DOK6: variants seen among roughly 807,000 people sequenced by gnomAD.
DOK6 encodes downstream of tyrosine kinase 6.
A neutral mutation model predicts 44.0 loss-of-function variants in DOK6; 22 were observed. The observed-to-expected ratio is 0.50, with a 90% CI of 0.36 to 0.71. DOK6 has a LOEUF of 0.71. DOK6 is among the 30% of genes least tolerant of loss of function. The pLI, the probability that DOK6 is intolerant of heterozygous loss-of-function variation, is 0.00. For missense variants in DOK6, 340 were observed against 416.4 expected (o/e 0.82, Z 1.60); for synonymous variants, 166 against 145.5 (o/e 1.14, Z -1.01).
chr18:69,810,405 A>G (rs1981187992), intron 7 of DOK6, among the ~76,000 whole-genome samples: 1 of 152,010 alleles, frequency 6.6e-6, no homozygotes. Flanking sequence ...GGCCTATGCA[A>G]TGATTTTTTT....
At chr18:69,656,182 A>G (rs1009864149) in intron 3 of DOK6, among the ~76,000 whole-genome samples, 5 of 152,198 alleles carry the variant, frequency 3.3e-5, no homozygotes, top group African/African-American at 1.2e-4. Flanking sequence ...AAGACAAAAT[A>G]CTCTAAAAAA....
rs1419878690 is a variant in DOK6, at chr18:69,594,557, T to C, written c.175-4827T>C. On this transcript the variant is annotated intron_variant, in intron 2 of 7. Transcript: ENST00000382713. ...CTACTTTCACCCCTCCTATTCTACA[T>C]AGCACTAGAAGTCCTAGCCAGAGCA... 1.1e-4 allele frequency among the ~76,000 whole-genome samples: 16 copies of C among 140,748 alleles called. No homozygotes were observed. In the East Asian group the frequency reaches 3.1e-3, roughly 28 times the overall value. 92.3% of individuals were successfully genotyped at this position (140,748 alleles called of 152,430 possible).
In DOK6 at chr18:69,604,146, C is replaced by G. The variant is rs182665948; in HGVS notation, c.289+4648C>G. Reference sequence around the variant, plus strand: ...TTTCTATATCTGACTTTGAACTTTCCCATTATCAATTACCAGTGGGGAAAA... The same window carrying G: ...TTTCTATATCTGACTTTGAACTTTCGCATTATCAATTACCAGTGGGGAAAA... On this transcript the variant is annotated intron_variant, in intron 3 of 7. Transcript: ENST00000382713. Among the ~76,000 whole-genome samples the G allele has an allele frequency of 2.3e-4, 35 of 152,108 alleles. No homozygotes were observed. In the East Asian group the frequency reaches 3.7e-3, roughly 16 times the overall value.
At chr18:69,475,356 A>C (rs1489025877) in intron 1 of DOK6, among the ~76,000 whole-genome samples, 1 of 152,232 alleles carries the variant, frequency 6.6e-6, no homozygotes, top group Non-Finnish European at 1.5e-5. Flanking sequence ...GAAATGCACT[A>C]ATATTAATTA....
chr18:69,828,884 G>GTATATATATATATATA lies in DOK6; in HGVS notation c.857-12359_857-12344dup, dbSNP rs74175393. Among the ~76,000 whole-genome samples, 219 of 90,208 alleles carry GTATATATATATATATA rather than the reference G, an allele frequency of 2.4e-3. 29 individuals are homozygous for GTATATATATATATATA. The highest frequency in any genetic ancestry group is 0.02 in the South Asian group (43 of 2,144). 59.2% of individuals were successfully genotyped at this position (90,208 alleles called of 152,430 possible). The stretch of plus-strand genomic sequence containing the variant: ...ATTATTAATAGCAATACATTTATGT[G>GTATATATATATATATA]TATATATATATATATAGTATGTATG... On this transcript the variant is annotated intron_variant, in intron 7 of 7. Coordinates refer to ENST00000382713, the MANE Select transcript of DOK6 (RefSeq NM_152721.6).
chr18:69,448,710 G>T (rs142439308), intron 1 of DOK6, among the ~76,000 whole-genome samples: 257 of 152,166 alleles, frequency 1.7e-3, no homozygotes, highest in African/African-American at 6.0e-3. Context: ...ACCATCCTTG[G>T]TCCTTAATGA....
At chr18:69,541,526 G>C (rs1175700018) in intron 1 of DOK6, among the ~76,000 whole-genome samples, 1 of 151,386 alleles carries the variant, frequency 6.6e-6, no homozygotes, top group Non-Finnish European at 1.5e-5. Flanking sequence ...GTATATAATT[G>C]CATGTATCTA....
rs182592886 is a variant in DOK6 at position 69,696,125 on chromosome 18, T to C, written c.410-2279T>C. On this transcript the variant is annotated intron_variant, in intron 4 of 7. Coordinates refer to ENST00000382713, the MANE Select transcript of DOK6 (RefSeq NM_152721.6). ...CATAGAGCCCTATATCATGTGAATC[T>C]TATTAAATTTACTTACTTGATTTTT... Among the ~76,000 whole-genome samples, 118 of 152,326 alleles carry C rather than the reference T, an allele frequency of 7.7e-4. 1 individual carries two copies. Among genetic ancestry groups the C allele is most frequent in the Admixed American group, 4.3e-3 (66 of 15,302 alleles).
chr18:69,566,189 A>C (rs570227131), intron 2 of DOK6, among the ~76,000 whole-genome samples: 2 of 152,026 alleles, frequency 1.3e-5, no homozygotes, highest in Non-Finnish European at 2.9e-5. Context: ...CCAGGCTGGA[A>C]TGCAGTGGCG....
intron 3 of DOK6, among the ~76,000 whole-genome samples, chr18:69,611,656 C>T (rs919181397): frequency 6.6e-6 from 1 of 152,154 alleles, no homozygotes; most frequent in Non-Finnish European, 1.5e-5. Context: ...AAAGAACAGA[C>T]TCAATATATG....
intron 1 of DOK6, among the ~76,000 whole-genome samples, chr18:69,556,920 G>T (rs1485363931): frequency 6.6e-6 from 1 of 152,184 alleles, no homozygotes; most frequent in Non-Finnish European, 1.5e-5. Context: ...CACACGTTTT[G>T]TCAAAGGGCA....
chr18:69,412,136 T>C (rs530586069), intron 1 of DOK6, among the ~76,000 whole-genome samples: 1 of 152,260 alleles, frequency 6.6e-6, no homozygotes, highest in East Asian at 1.9e-4. Flanking sequence ...GCATTTGTGA[T>C]CATGAGCATG....
chr18:69,741,971 G>A (rs1405974462), intron 6 of DOK6, among the ~76,000 whole-genome samples: 1 of 152,132 alleles, frequency 6.6e-6, no homozygotes, highest in Non-Finnish European at 1.5e-5. Context: ...AATTCAATAT[G>A]ATCTTTTCAC....
chr18:69,712,714 G>A (rs1236923212), intron 5 of DOK6, among the ~76,000 whole-genome samples: 1 of 152,088 alleles, frequency 6.6e-6, no homozygotes, highest in Non-Finnish European at 1.5e-5. Flanking sequence ...AGGAGTGGGG[G>A]TGTGCACCTG....
intron 1 of DOK6, among the ~76,000 whole-genome samples, chr18:69,444,645 T>G (rs955982649): frequency 1.1e-4 from 2 of 17,590 alleles, no homozygotes; most frequent in Non-Finnish European, 2.0e-4. Flanking sequence ...AAAATCAACC[T>G]TTTTTTTTTT....
intron 4 of DOK6, among the ~76,000 whole-genome samples, chr18:69,682,596 A>G (rs994135399): frequency 1.3e-5 from 2 of 152,212 alleles, no homozygotes; most frequent in African/African-American, 2.4e-5. Flanking sequence ...TGAATATTTC[A>G]TGTCCACTAA....
chr18:69,797,731 G>C (rs568221432), intron 7 of DOK6, among the ~76,000 whole-genome samples: 1 of 151,810 alleles, frequency 6.6e-6, no homozygotes, highest in South Asian at 2.1e-4. Flanking sequence ...AGAGCTCTTA[G>C]GTTGTAATAT....
intron 3 of DOK6, among the ~76,000 whole-genome samples, chr18:69,616,066 A>G (rs570572855): frequency 5.3e-5 from 8 of 152,354 alleles, no homozygotes; most frequent in African/African-American, 1.9e-4. Context: ...CATGCAAAAT[A>G]CTGATGTATC....
intron 2 of DOK6, among the ~76,000 whole-genome samples, chr18:69,592,112 TA>T (rs1983635711): frequency 6.6e-6 from 1 of 152,008 alleles, no homozygotes; most frequent in African/African-American, 2.4e-5. Flanking sequence ...AAACACATAA[TA>T]AAAATATTTA....
Sources: allele counts gnomAD v4.1 joint callset (sites outside exome capture counted in the v4.1 genomes callset), GRCh38; gene constraint gnomAD v4.1.1; transcripts MANE v1.5; gene names NCBI Gene and HGNC (gene_info 2026-07-23, HGNC 2026-07-21).